RNF157: variants seen among roughly 807,000 people sequenced by gnomAD.
RNF157 encodes ring finger protein 157.
A neutral mutation model predicts 88.3 loss-of-function variants in RNF157; 55 were observed. The ratio of observed to expected loss-of-function variants is 0.62; its 90% CI spans 0.50 to 0.78. The LOEUF is 0.78. Ranked by LOEUF, RNF157 falls within the 30% of genes least tolerant of loss-of-function variation. The pLI, the probability that RNF157 is intolerant of heterozygous loss-of-function variation, is 0.00. For missense variants in RNF157, 788 were observed against 860.8 expected (o/e 0.92, Z 1.06); for synonymous variants, 334 against 341.2 (o/e 0.98, Z 0.23).
Position 76,155,639 on chromosome 17 carries a change from C to A in RNF157, c.1621G>T (p.Ala541Ser). Residue 541 changes from alanine (A) to serine (S), a missense_variant, in exon 15 of 19, where the codon GCC becomes TCC. By Grantham distance (99) the Ala-to-Ser change is moderately conservative. Coordinates refer to ENST00000269391, the MANE Select transcript of RNF157 (RefSeq NM_052916.3). ...TCTCCCTCCTCTTCAGTGCCAGGGG[C>A]GATGTAGGAGCCAGACATGGAGGAG... ...TVSSMSGSYI[A>S]PGTEEEGEAL... 1 of 1,613,864 alleles carries A rather than the reference C, an allele frequency of 6.2e-7. No homozygotes were observed. Among genetic ancestry groups the A allele is most frequent in the Non-Finnish European group, 8.5e-7 (1 of 1,179,958 alleles).
At chr17:76,188,606 A>G (rs1947605493) in intron 2 of RNF157, among the ~76,000 whole-genome samples, 1 of 152,160 alleles carries the variant, frequency 6.6e-6, no homozygotes, top group Non-Finnish European at 1.5e-5. Context: ...TTCCCCCCAA[A>G]GCAATGCATG....
rs538171027 is a variant in RNF157 at position 76,160,715 on chromosome 17, T to A, written c.1065+820A>T. Among the ~76,000 whole-genome samples, 1 of 152,352 alleles carries A rather than the reference T, an allele frequency of 6.6e-6. No individual in the cohort carries two copies. Among genetic ancestry groups the A allele is most frequent in the East Asian group, 1.9e-4 (1 of 5,188 alleles). ...TTGTTGTCTAACTTTTAATTTTGGTTACCTTTTAGACCTCTGAAGTGCTAA... is the reference window on the plus strand; with the variant it reads ...TTGTTGTCTAACTTTTAATTTTGGTAACCTTTTAGACCTCTGAAGTGCTAA... On this transcript the variant is annotated intron_variant, in intron 11 of 18. Transcript: ENST00000269391. The surrounding 1 kb of genome is among the most constrained non-coding windows in gnomAD (Gnocchi z 4.3).
intron 2 of RNF157, 74 bp downstream of exon 2, chr17:76,212,290 C>T: frequency 9.2e-7 from 1 of 1,087,796 alleles, no homozygotes; most frequent in Non-Finnish European, 1.4e-6. Flanking sequence ...CAAGCAACTG[C>T]AAACTTATTT....
chr17:76,192,521 G>A (rs2069403999), intron 2 of RNF157, among the ~76,000 whole-genome samples: 1 of 152,112 alleles, frequency 6.6e-6, no homozygotes, highest in Non-Finnish European at 1.5e-5. Flanking sequence ...ATGAATACAC[G>A]AACAACAAGA....
intron 1 of RNF157, among the ~76,000 whole-genome samples, chr17:76,234,288 G>C (rs1284751332): frequency 6.6e-6 from 1 of 152,054 alleles, no homozygotes; most frequent in Non-Finnish European, 1.5e-5. Flanking sequence ...TCTATTCATC[G>C]GTTGATGAAC....
intron 1 of RNF157, among the ~76,000 whole-genome samples, chr17:76,220,535 T>C (rs963719720): frequency 6.6e-6 from 1 of 152,030 alleles, no homozygotes; most frequent in Non-Finnish European, 1.5e-5. Context: ...AATTAATAGA[T>C]GAGGGGAGGC....
In RNF157 at chr17:76,157,685, G is replaced by GTATA. The variant is rs1185712333; in HGVS notation, c.1413+704_1413+707dup. On this transcript the variant is annotated intron_variant, in intron 13 of 18. Coordinates refer to ENST00000269391, the MANE Select transcript of RNF157 (RefSeq NM_052916.3). This position sits in a 1 kb window ranked among gnomAD's most constrained non-coding sequence, Gnocchi z 5.6. The stretch of plus-strand genomic sequence containing the variant: ...CGTGCCAGGCACATGCTATTCCCAT[G>GTATA]TATATGTCCTGTCCCAGCCAGACCT... 5.9e-5 allele frequency among the ~76,000 whole-genome samples: 9 copies of GTATA among 152,302 alleles called. No homozygotes were observed. The East Asian group carries it at 1.5e-3, about 26-fold the overall frequency.
chr17:76,186,919 G>A (rs1035859698), intron 2 of RNF157, among the ~76,000 whole-genome samples: 10 of 150,982 alleles, frequency 6.6e-5, no homozygotes, highest in Non-Finnish European at 2.9e-5. Flanking sequence ...CAGCCTGGGT[G>A]ACAGAATGAG....
chr17:76,219,757 T>G (rs532793377), intron 1 of RNF157, among the ~76,000 whole-genome samples: 57 of 152,266 alleles, frequency 3.7e-4, no homozygotes, highest in African/African-American at 1.3e-3. Context: ...TTTAAGAGAC[T>G]GTAATTTAAC....
In RNF157 at chr17:76,147,329, A is replaced by G. The variant is rs997419201; in HGVS notation, c.1922-1976T>C. On this transcript the variant is annotated intron_variant, in intron 18 of 18. Coordinates refer to ENST00000269391, the MANE Select transcript of RNF157 (RefSeq NM_052916.3). The stretch of plus-strand genomic sequence containing the variant: ...CTGCGGCTGTTCAGTAGGAAAGACC[A>G]AAAGCAAATGGTAAACAAGAGAGAA... 4 of 986,254 alleles carry G rather than the reference A, an allele frequency of 4.1e-6. No individual in the cohort carries two copies. In the African/African-American group the frequency reaches 7.0e-5, roughly 17 times the overall value. 61.1% of individuals were successfully genotyped at this position (986,254 alleles called of 1,614,324 possible).
At chr17:76,230,826 A>C in intron 1 of RNF157, among the ~76,000 whole-genome samples, 1 of 136,280 alleles carries the variant, frequency 7.3e-6, no homozygotes, top group Non-Finnish European at 1.6e-5. Flanking sequence ...CGAAAGAACA[A>C]GACTCCATCT....
chr17:76,229,129 CTCATTTCTGAGG>C (rs2070145304), intron 1 of RNF157, among the ~76,000 whole-genome samples: 2 of 152,190 alleles, frequency 1.3e-5, no homozygotes, highest in Non-Finnish European at 2.9e-5. Context: ...GAATTCAACA[CTCATTTCTGAGG>C]CTCTCTTTCC....
At chr17:76,202,907 T>C (rs2069610571) in intron 2 of RNF157, 1 of 146,428 alleles carries the variant, frequency 6.8e-6, no homozygotes, top group Non-Finnish European at 1.6e-5. Flanking sequence ...TCCTAACTGG[T>C]CTTCTTATTT....
chr17:76,174,398 C>A (rs917548084), intron 2 of RNF157, among the ~76,000 whole-genome samples: 1 of 152,166 alleles, frequency 6.6e-6, no homozygotes, highest in Non-Finnish European at 1.5e-5. Flanking sequence ...ATTTACCATC[C>A]GCTTCTTCCC....
chr17:76,189,090 G>A (rs1365983839), intron 2 of RNF157, among the ~76,000 whole-genome samples: 1 of 152,204 alleles, frequency 6.6e-6, no homozygotes, highest in Non-Finnish European at 1.5e-5. Flanking sequence ...TGGAGGAGAT[G>A]AAGGAAACAT....
At chr17:76,202,464 A>T (rs958381432) in intron 2 of RNF157, among the ~76,000 whole-genome samples, 2 of 152,200 alleles carry the variant, frequency 1.3e-5, no homozygotes, top group Admixed American at 6.5e-5. Flanking sequence ...ATGGTCCAAG[A>T]ACACACAAGT....
In RNF157 at chr17:76,201,101, A is replaced by G. The variant is rs180864412; in HGVS notation, c.207+11263T>C. Among the ~76,000 whole-genome samples, 7 of 152,264 alleles carry G rather than the reference A, an allele frequency of 4.6e-5. No individual in the cohort carries two copies. In the East Asian group the frequency reaches 9.6e-4, roughly 21 times the overall value. ...AAACCTATTTCCTTCCTCTACTTAG[A>G]AGTATTTCCACCTCTATTTTTAAAG... On this transcript the variant is annotated intron_variant, in intron 2 of 18. Transcript: ENST00000269391.
intron 1 of RNF157, among the ~76,000 whole-genome samples, chr17:76,212,737 C>T (rs907408369): frequency 6.6e-6 from 1 of 152,072 alleles, no homozygotes; most frequent in Non-Finnish European, 1.5e-5. Context: ...TGGCACATGC[C>T]TGTAGTCCCA....
In RNF157 at chr17:76,159,502, CGGGGTGA is replaced by C; in HGVS notation, c.1130_1136del (p.Leu377ArgfsTer97). On this transcript the variant is annotated frameshift_variant, in exon 12 of 19. Transcript: ENST00000269391. LOFTEE classifies it high-confidence loss of function. Reference sequence around the variant, plus strand: ...CGTGAAGTGGAGGAACTGCTGGGGACGGGGTGAGGGGCCCGTTGAGGGCCTCCAGAAG... The same window carrying C: ...CGTGAAGTGGAGGAACTGCTGGGGACGGGGCCCGTTGAGGGCCTCCAGAAG... The C allele has an allele frequency of 6.2e-7, 1 of 1,608,746 alleles. No individual in the cohort carries two copies. The highest frequency in any genetic ancestry group is 1.1e-5 in the South Asian group (1 of 89,974).
Sources: allele counts gnomAD v4.1 joint callset (sites outside exome capture counted in the v4.1 genomes callset), GRCh38; gene constraint gnomAD v4.1.1; non-coding constraint Gnocchi (gnomAD v3.1); transcripts MANE v1.5; gene names NCBI Gene and HGNC (gene_info 2026-07-23, HGNC 2026-07-21).